The following TAF4B variants were observed in gnomAD, a reference collection of about 807,000 sequenced individuals.
TAF4B encodes TATA-box binding protein associated factor 4b, also known as transcription initiation factor TFIID subunit 4B.
A neutral mutation model predicts 86.4 loss-of-function variants in TAF4B; 38 were observed. The observed-to-expected ratio is 0.44, with a 90% confidence interval of 0.34 to 0.58. The LOEUF (loss-of-function observed/expected upper bound fraction) is 0.58. TAF4B is among the 20% of genes least tolerant of loss of function. The pLI is 0.02. For missense variants in TAF4B, 988 were observed against 1,027.6 expected (o/e 0.96, Z 0.53); for synonymous variants, 388 against 391.2 (o/e 0.99, Z 0.10).
intron 11 of TAF4B, among the ~76,000 whole-genome samples, chr18:26,324,085 T>C (rs2056984897): frequency 6.6e-6 from 1 of 152,226 alleles, no homozygotes; most frequent in Admixed American, 6.5e-5. Flanking sequence ...GCAGTTACCA[T>C]AGAGATTACA....
chr18:26,337,424 C>CT (rs551888808), intron 13 of TAF4B, among the ~76,000 whole-genome samples: 43,038 of 126,052 alleles, frequency 0.34, 8,778 homozygotes, highest in East Asian at 0.81. Flanking sequence ...TTCTTTCTTT[C>CT]TTTTTTTTTT....
rs1359902730 is a variant in TAF4B, at chr18:26,304,652, G to T, written c.1833-10577G>T. The T allele has an allele frequency of 8.8e-6, 8 of 911,564 alleles. No individual in the cohort carries two copies. In the East Asian group the frequency reaches 9.5e-4, roughly 108 times the overall value. The allele number at this position is 911,564 out of a possible 1,614,324, so 56.5% of individuals were successfully genotyped here. On this transcript the variant is annotated intron_variant, in intron 9 of 14. Transcript: ENST00000269142. ...GAACTTGACTTACCCAGGAGTCTCA[G>T]ATACACTTTTCCCATTGTAATCAAG...
At chr18:26,236,959 G>A (rs774282894) in intron 1 of TAF4B, among the ~76,000 whole-genome samples, 9 of 152,146 alleles carry the variant, frequency 5.9e-5, no homozygotes, top group Non-Finnish European at 1.0e-4. Context: ...AAGGCCTCCC[G>A]TAGCCGCTGG....
At chr18:26,294,316 T>G (rs1159635951) in intron 9 of TAF4B, among the ~76,000 whole-genome samples, 1 of 152,068 alleles carries the variant, frequency 6.6e-6, no homozygotes, top group Non-Finnish European at 1.5e-5. Context: ...TAAAAATCCA[T>G]TTTAATAGGT....
chr18:26,316,391 T>G (rs1420159059), intron 10 of TAF4B, among the ~76,000 whole-genome samples: 1 of 149,098 alleles, frequency 6.7e-6, no homozygotes, highest in Non-Finnish European at 1.5e-5. Flanking sequence ...CTTCTTCTTC[T>G]TTTTTTTTTC....
chr18:26,232,021 A>G (rs2084284), intron 1 of TAF4B, among the ~76,000 whole-genome samples: 11,375 of 152,098 alleles, frequency 0.075, 818 homozygotes, highest in African/African-American at 0.17. Context: ...TGATTGGTGC[A>G]TTTTATAGAG....
chr18:26,358,901 T>C (rs1340076505), intron 14 of TAF4B, among the ~76,000 whole-genome samples: 1 of 152,112 alleles, frequency 6.6e-6, no homozygotes, highest in Non-Finnish European at 1.5e-5. Flanking sequence ...TCCTGAACAT[T>C]GGTAGTTTCT....
chr18:26,230,146 G>A (rs972241182), intron 1 of TAF4B, among the ~76,000 whole-genome samples: 3 of 152,164 alleles, frequency 2.0e-5, no homozygotes, highest in Admixed American at 1.3e-4. Context: ...GCTGAACTGT[G>A]GTTCTTCTTG....
rs1411367751 is a variant in TAF4B at position 26,321,123 on chromosome 18, C to T, written c.2056C>T (p.Gln686Ter). The change falls in exon 11 of 15, where the codon CAA (glutamine) becomes TAA (stop). Residue 686 changes from glutamine to a stop codon, truncating the protein, a stop_gained. Transcript: ENST00000269142. LOFTEE classifies it high-confidence loss of function. ...LNSDAVNLIS[Q>*]ATQERLRGLL... Reference sequence around the variant, plus strand: ...CTCTGATGCTGTGAACTTGATCTCCCAAGCAACACAGGAACGACTACGAGG... The same window carrying T: ...CTCTGATGCTGTGAACTTGATCTCCTAAGCAACACAGGAACGACTACGAGG... 3 of 1,613,704 alleles carry T rather than the reference C, an allele frequency of 1.9e-6. No individual in the cohort carries two copies. Among genetic ancestry groups the T allele is most frequent in the Non-Finnish European group, 2.5e-6 (3 of 1,179,822 alleles).
intron 1 of TAF4B, among the ~76,000 whole-genome samples, chr18:26,245,142 G>T (rs1173983754): frequency 6.6e-6 from 1 of 152,106 alleles, no homozygotes; most frequent in African/African-American, 2.4e-5. Flanking sequence ...TTTTTAACAG[G>T]CCAACAGGTG....
chr18:26,390,091 T>G lies in TAF4B; in HGVS notation c.*79T>G. 7.2e-7 allele frequency: 1 copy of G among 1,394,848 alleles called. No individual in the cohort carries two copies. 86.4% of individuals were successfully genotyped at this position (1,394,848 alleles called of 1,614,324 possible). ...AGCATTGTTGCACTGTCCTGAAATT[T>G]CAATTTCTGGAAAATAATCACCAAC... On this transcript the variant is annotated 3_prime_UTR_variant, in exon 15 of 15. Transcript: ENST00000269142.
At chr18:26,389,805 G>T (rs1598849443) in intron 14 of TAF4B, 40 bp from the exon 15 acceptor site, 2 of 1,591,814 alleles carry the variant, frequency 1.3e-6, no homozygotes, top group South Asian at 2.3e-5. Context: ...CTTTATGAAA[G>T]ATTTTTATTT....
At chr18:26,242,693 A>G (rs1332436541) in intron 1 of TAF4B, among the ~76,000 whole-genome samples, 2 of 152,140 alleles carry the variant, frequency 1.3e-5, no homozygotes, top group African/African-American at 4.8e-5. Context: ...TGGTCTTTAC[A>G]ATTTGGCATG....
intron 14 of TAF4B, among the ~76,000 whole-genome samples, chr18:26,373,601 A>G (rs11872498): frequency 0.11 from 16,930 of 152,234 alleles, 967 homozygotes; most frequent in African/African-American, 0.14. Flanking sequence ...CCAGTGTTGT[A>G]TGAAAGTGTT....
At chr18:26,376,940 C>CT in intron 14 of TAF4B, among the ~76,000 whole-genome samples, 1 of 151,550 alleles carries the variant, frequency 6.6e-6, no homozygotes, top group Admixed American at 6.6e-5. Context: ...GATGATCGTG[C>CT]TTTTTTTTCC....
At chr18:26,377,458 T>A (rs919829795) in intron 14 of TAF4B, among the ~76,000 whole-genome samples, 2 of 152,212 alleles carry the variant, frequency 1.3e-5, no homozygotes, top group Non-Finnish European at 2.9e-5. Flanking sequence ...TTCTTAACTC[T>A]GCATATATGA....
At position 26,238,313 on chromosome 18, in the gene TAF4B, C is replaced by T. The variant is rs184809519; in HGVS notation, c.343+11037C>T. ...ATACCCTGAGGAAGGGAAGGGATCT[C>T]CAGGGTTGGAAGAGTGATGCCTTTT... On this transcript the variant is annotated intron_variant, in intron 1 of 14. Transcript: ENST00000269142. Among the ~76,000 whole-genome samples the T allele has an allele frequency of 5.1e-3, 783 of 152,204 alleles. 7 individuals carry two copies. The highest frequency in any genetic ancestry group is 8.5e-3 in the Non-Finnish European group (579 of 68,006).
At chr18:26,359,027 T>C (rs1466662572) in intron 14 of TAF4B, among the ~76,000 whole-genome samples, 1 of 152,208 alleles carries the variant, frequency 6.6e-6, no homozygotes, top group Non-Finnish European at 1.5e-5. Context: ...ATGTAACCAC[T>C]GTTAAGTTTT....
At chr18:26,260,203 T>G (rs1454422999) in intron 1 of TAF4B, among the ~76,000 whole-genome samples, 2 of 152,240 alleles carry the variant, frequency 1.3e-5, no homozygotes, top group African/African-American at 4.8e-5. Context: ...ATGGGTAGAT[T>G]GCAAAAATTT....
Sources: allele counts gnomAD v4.1 joint callset (sites outside exome capture counted in the v4.1 genomes callset), GRCh38; gene constraint gnomAD v4.1.1; transcripts MANE v1.5; gene names NCBI Gene and HGNC (gene_info 2026-07-23, HGNC 2026-07-21).